SLC25A48: variants seen among roughly 807,000 people sequenced by gnomAD.
SLC25A48 encodes CTC-321K16.1.
A neutral mutation model predicts 32.2 loss-of-function variants in SLC25A48; 29 were observed. The ratio of observed to expected loss-of-function variants is 0.90; its 90% confidence interval spans 0.67 to 1.23. The LOEUF (loss-of-function observed/expected upper bound fraction) is 1.23, where lower values mean the gene tolerates loss of function less well. Ranked by LOEUF, SLC25A48 falls within the 50% of genes most tolerant of loss-of-function variation. The pLI, the probability that SLC25A48 is intolerant of heterozygous loss-of-function variation, is 0.00. For synonymous variants in SLC25A48, 164 were observed against 172.3 expected (o/e 0.95, Z 0.38); for missense variants, 399 against 422.7 (o/e 0.94, Z 0.49).
intron 3 of SLC25A48, among the ~76,000 whole-genome samples, chr5:135,709,954 G>A (rs1297789964): frequency 2.6e-5 from 4 of 152,070 alleles, no homozygotes; most frequent in African/African-American, 2.4e-5. Context: ...TCAGATAAAC[G>A]ACATTTACCA....
chr5:135,720,052 C>CT (rs2126981787), intron 3 of SLC25A48, among the ~76,000 whole-genome samples: 1 of 152,356 alleles, frequency 6.6e-6, no homozygotes. Flanking sequence ...AAGTATAAGC[C>CT]TTTCAGTATT....
intron 1 of SLC25A48, among the ~76,000 whole-genome samples, chr5:135,595,201 C>T (rs1031617016): frequency 6.6e-6 from 1 of 152,230 alleles, no homozygotes; most frequent in Non-Finnish European, 1.5e-5. Flanking sequence ...CCCTGCTCCA[C>T]TCTCATGCAG....
chr5:135,600,561 C>T (rs1751770995), intron 1 of SLC25A48, among the ~76,000 whole-genome samples: 1 of 152,178 alleles, frequency 6.6e-6, no homozygotes, highest in Non-Finnish European at 1.5e-5. Flanking sequence ...TATCTTTGTT[C>T]CTCCTGCTTG....
intron 3 of SLC25A48, among the ~76,000 whole-genome samples, chr5:135,705,573 C>G (rs1369956713): frequency 6.6e-6 from 1 of 152,206 alleles, no homozygotes; most frequent in South Asian, 2.1e-4. Flanking sequence ...AGACCATGCA[C>G]TAACATTATT....
intron 3 of SLC25A48, among the ~76,000 whole-genome samples, chr5:135,774,738 G>A (rs957219825): frequency 2.9e-5 from 4 of 136,836 alleles, no homozygotes; most frequent in African/African-American, 1.1e-4. Context: ...ATACCACAGG[G>A]AGTGTACACC....
chr5:135,631,187 C>T (rs1752560266), intron 2 of SLC25A48, among the ~76,000 whole-genome samples: 1 of 152,126 alleles, frequency 6.6e-6, no homozygotes, highest in Non-Finnish European at 1.5e-5. Flanking sequence ...TGGGGTTCTC[C>T]AGGTAGCATT....
intron 1 of SLC25A48, among the ~76,000 whole-genome samples, chr5:135,588,712 G>C (rs1023495159): frequency 2.6e-5 from 4 of 152,092 alleles, no homozygotes; most frequent in African/African-American, 9.7e-5. Context: ...CGCAGGGACA[G>C]GGCAGCTGAG....
At chr5:135,588,969 C>T (rs1443093705) in intron 1 of SLC25A48, among the ~76,000 whole-genome samples, 1 of 152,168 alleles carries the variant, frequency 6.6e-6, no homozygotes, top group African/African-American at 2.4e-5. Flanking sequence ...AAGAACCAAA[C>T]AAATGATACC....
At chr5:135,808,385 C>A (rs1757512741) in intron 3 of SLC25A48, among the ~76,000 whole-genome samples, 1 of 151,782 alleles carries the variant, frequency 6.6e-6, no homozygotes, top group Non-Finnish European at 1.5e-5. Flanking sequence ...CTACAAGAAG[C>A]CAAGGATGAT....
At chr5:135,746,437 C>A (rs55917027) in intron 3 of SLC25A48, 88,841 of 207,298 alleles carry the variant, frequency 0.43, 21,313 homozygotes, top group Non-Finnish European at 0.52. Context: ...CAGGAACTCA[C>A]GTGAGGCACC....
chr5:135,584,544 T>A (rs1751318185), intron 1 of SLC25A48, among the ~76,000 whole-genome samples: 2 of 152,228 alleles, frequency 1.3e-5, no homozygotes, highest in African/African-American at 4.8e-5. Context: ...GCATCACTCA[T>A]GGGACTATCA....
intron 3 of SLC25A48, among the ~76,000 whole-genome samples, chr5:135,738,517 A>T (rs1755430437): frequency 6.6e-6 from 1 of 151,918 alleles, no homozygotes; most frequent in Non-Finnish European, 1.5e-5. Context: ...CATCTCCTTT[A>T]CTCCTTTTAC....
chr5:135,722,265 T>C (rs906768727), intron 3 of SLC25A48, among the ~76,000 whole-genome samples: 18 of 152,242 alleles, frequency 1.2e-4, no homozygotes, highest in African/African-American at 4.1e-4. Flanking sequence ...AGCAGCACTT[T>C]GCCAGGCTGT....
chr5:135,805,232 G>A (rs953160963), intron 3 of SLC25A48, among the ~76,000 whole-genome samples: 1 of 150,452 alleles, frequency 6.6e-6, no homozygotes, highest in African/African-American at 2.4e-5. Context: ...CACCCTGTGT[G>A]TACACCCGGG....
At chr5:135,863,277 C>T (rs1042576331) in intron 4 of SLC25A48, among the ~76,000 whole-genome samples, 13 of 152,142 alleles carry the variant, frequency 8.5e-5, no homozygotes, top group African/African-American at 3.1e-4. Flanking sequence ...GGTAATCAAT[C>T]AATGCTTACT....
At chr5:135,643,863 C>T (rs765136475) in intron 3 of SLC25A48, among the ~76,000 whole-genome samples, 4 of 152,126 alleles carry the variant, frequency 2.6e-5, no homozygotes, top group Admixed American at 6.5e-5. Flanking sequence ...ATGTGTTTAG[C>T]GCTATGATTA....
intron 3 of SLC25A48, among the ~76,000 whole-genome samples, chr5:135,765,826 A>G (rs79376992): frequency 0.015 from 2,343 of 151,806 alleles, 44 homozygotes; most frequent in African/African-American, 0.044. Flanking sequence ...TTCCTGTGAT[A>G]TGGTTCATAA....
intron 3 of SLC25A48, among the ~76,000 whole-genome samples, chr5:135,670,337 G>T (rs932543030): frequency 6.6e-6 from 1 of 152,160 alleles, no homozygotes; most frequent in African/African-American, 2.4e-5. Context: ...CAAATGATCC[G>T]TTGTGCAAGC....
intron 3 of SLC25A48, among the ~76,000 whole-genome samples, chr5:135,662,724 G>A (rs1753433190): frequency 6.6e-6 from 1 of 152,028 alleles, no homozygotes; most frequent in African/African-American, 2.4e-5. Context: ...TTGGGAGCAA[G>A]GGGTGAGCTT....
Sources: gnomAD v4.1 joint callset for allele counts (sites outside exome capture counted in the v4.1 genomes callset) on GRCh38, gnomAD v4.1.1 for gene constraint, MANE v1.5 for transcripts, NCBI Gene and HGNC (gene_info 2026-07-23, HGNC 2026-07-21) for gene names.